Variants in CFAP20DC observed in about 807,000 individuals in gnomAD.
CFAP20DC encodes protein CFAP20DC.
Under a neutral mutation model 101.7 loss-of-function variants are expected in CFAP20DC, and 84 were observed. That is an observed-to-expected ratio of 0.83 (90% confidence interval 0.69 to 0.99). CFAP20DC has a LOEUF of 0.99. Ranked by LOEUF, CFAP20DC falls within the 50% of genes least tolerant of loss-of-function variation. CFAP20DC has a pLI of 0.00. For synonymous variants in CFAP20DC, 359 were observed against 351.2 expected, an observed-to-expected ratio of 1.02 and a Z score of -0.25; for missense variants, 1,007 against 970.3, an observed-to-expected ratio of 1.04 and a Z score of -0.50.
chr3:58,723,843 C>CT (rs1448731685), intron 3 of CFAP20DC, among the ~76,000 whole-genome samples: 1 of 152,150 alleles, frequency 6.6e-6, no homozygotes, highest in Non-Finnish European at 1.5e-5. Context: ...TTTAAGGTGA[C>CT]TGAGTGAGTG....
chr3:58,979,480 A>G (rs1157733595), intron 4 of CFAP20DC, among the ~76,000 whole-genome samples: 1 of 152,348 alleles, frequency 6.6e-6, no homozygotes, highest in East Asian at 1.9e-4. Context: ...TATTTATTCA[A>G]ATACTGAGGA....
Position 58,863,240 on chromosome 3 carries a change from C to G in CFAP20DC, c.1593+318G>C, listed in dbSNP as rs2079397600. 7.4e-7 allele frequency: 1 copy of G among 1,344,238 alleles called. No homozygotes were observed. The highest frequency in any genetic ancestry group is 9.5e-7 in the Non-Finnish European group (1 of 1,053,998). 83.3% of individuals were successfully genotyped at this position (1,344,238 alleles called of 1,614,324 possible). A position where few individuals can be genotyped will look rare whatever the true frequency, so the allele number is the denominator to read the frequency against. On this transcript the variant is annotated intron_variant, in intron 12 of 16. Coordinates refer to ENST00000482387, the MANE Select transcript of CFAP20DC (RefSeq NM_001394063.1). The surrounding 1 kb of genome is among the most constrained non-coding windows in gnomAD (Gnocchi z 5.9). The stretch of plus-strand genomic sequence containing the variant: ...AGAACAGTATATTCTCAGTGTTTTA[C>G]TGGTCTTGCTATCATAGCACTAAAC...
chr3:58,785,535 T>C (rs1181621448), intron 15 of CFAP20DC, among the ~76,000 whole-genome samples: 1 of 152,062 alleles, frequency 6.6e-6, no homozygotes. Context: ...AAAGATCATA[T>C]GTACTCCATA....
chr3:58,856,776 A>T (rs1385201418), intron 12 of CFAP20DC, among the ~76,000 whole-genome samples: 2 of 152,224 alleles, frequency 1.3e-5, no homozygotes, highest in Non-Finnish European at 2.9e-5. Context: ...CCTAGTTCTA[A>T]GATGGTATTG....
chr3:58,905,691 C>T (rs2083517515), intron 6 of CFAP20DC, among the ~76,000 whole-genome samples: 1 of 152,144 alleles, frequency 6.6e-6, no homozygotes. Context: ...GTACTGAGCT[C>T]AAGTAAGCAC....
intron 15 of CFAP20DC, among the ~76,000 whole-genome samples, chr3:58,785,926 C>G (rs773182428): frequency 8.5e-5 from 13 of 152,124 alleles, no homozygotes; most frequent in Non-Finnish European, 1.9e-4. Flanking sequence ...AAACCTCACT[C>G]CATTGGTTTC....
chr3:58,920,499 T>C (rs2085245482), intron 5 of CFAP20DC, among the ~76,000 whole-genome samples: 2 of 152,194 alleles, frequency 1.3e-5, no homozygotes, highest in Admixed American at 1.3e-4. Context: ...CTTTACCAAG[T>C]TCAAGAAGTT....
chr3:58,950,377 C>A (rs2089958931), intron 4 of CFAP20DC, among the ~76,000 whole-genome samples: 1 of 152,122 alleles, frequency 6.6e-6, no homozygotes, highest in Non-Finnish European at 1.5e-5. Flanking sequence ...ATCAAGCTAC[C>A]AATGACTTTC....
In CFAP20DC at chr3:58,964,471, C is replaced by T. The variant is rs1029258807; in HGVS notation, c.279-26709G>A. ...TTGTTGAATATGTATATTTGGTTAA[C>T]CTGGTCCACTTAAATTCCTATCTTA... On this transcript the variant is annotated intron_variant, in intron 4 of 16. Transcript: ENST00000482387. This position sits in a 1 kb window ranked among gnomAD's most constrained non-coding sequence, Gnocchi z 4.1. Among the ~76,000 whole-genome samples, 2 of 152,174 alleles carry T rather than the reference C, an allele frequency of 1.3e-5. No homozygotes were observed. Among genetic ancestry groups the T allele is most frequent in the African/African-American group, 4.8e-5 (2 of 41,448 alleles).
intron 6 of CFAP20DC, among the ~76,000 whole-genome samples, chr3:58,902,682 A>G (rs2083251059): frequency 6.6e-6 from 1 of 152,164 alleles, no homozygotes. Context: ...GGTATCCACA[A>G]GGGATTGGTT....
At chr3:58,734,388 A>G in intron 3 of CFAP20DC, 1 of 361,650 alleles carries the variant, frequency 2.8e-6, no homozygotes, top group Non-Finnish European at 5.5e-6. Context: ...GTTTATCACC[A>G]GAGTTCCAAA....
chr3:58,796,313 T>C (rs898878270), intron 15 of CFAP20DC, among the ~76,000 whole-genome samples: 12 of 152,110 alleles, frequency 7.9e-5, no homozygotes, highest in Admixed American at 2.0e-4. Flanking sequence ...CCCCTGGAGT[T>C]GTGCAAGGTG....
chr3:58,745,740 C>T (rs1160858088), intron 16 of CFAP20DC, among the ~76,000 whole-genome samples: 3 of 152,060 alleles, frequency 2.0e-5, no homozygotes, highest in Non-Finnish European at 2.9e-5. Context: ...GTACTGATGT[C>T]GCTTAAAGTG....
chr3:59,044,946 A>G (rs1445611095), intron 3 of CFAP20DC, among the ~76,000 whole-genome samples: 1 of 151,692 alleles, frequency 6.6e-6, no homozygotes, highest in African/African-American at 2.4e-5. Flanking sequence ...CTCATTTATA[A>G]GTACAAATAT....
In CFAP20DC at chr3:58,742,083, A is replaced by G. The variant is rs1346237251; in HGVS notation, c.*377T>C. Reference sequence around the variant, plus strand: ...GGTACCCAGGCATCTTTTAAGCAAAAATACATTTTCTGTACATCAAGCCAT... The same window carrying G: ...GGTACCCAGGCATCTTTTAAGCAAAGATACATTTTCTGTACATCAAGCCAT... On this transcript the variant is annotated 3_prime_UTR_variant, in exon 17 of 17. Coordinates refer to ENST00000482387, the MANE Select transcript of CFAP20DC (RefSeq NM_001394063.1). 3.3e-5 allele frequency: 32 copies of G among 969,608 alleles called. No individual in the cohort carries two copies. The highest frequency in any genetic ancestry group is 3.8e-5 in the Non-Finnish European group (31 of 815,112). 60.1% of individuals were successfully genotyped at this position (969,608 alleles called of 1,614,324 possible).
intron 14 of CFAP20DC, among the ~76,000 whole-genome samples, chr3:58,827,737 A>C (rs2076139468): frequency 6.6e-6 from 1 of 152,120 alleles, no homozygotes; most frequent in African/African-American, 2.4e-5. Flanking sequence ...TGCCACCCTG[A>C]GTTACAGTGA....
At chr3:58,900,674 A>C (rs150158104) in intron 6 of CFAP20DC, among the ~76,000 whole-genome samples, 1 of 152,336 alleles carries the variant, frequency 6.6e-6, no homozygotes, top group African/African-American at 2.4e-5. Flanking sequence ...TGGCACATGA[A>C]AGAGAAGGCT....
At position 58,874,051 on chromosome 3, in the gene CFAP20DC, A is replaced by C. The variant is rs904345011; in HGVS notation, c.716-3742T>G. On this transcript the variant is annotated intron_variant, in intron 7 of 16. Transcript: ENST00000482387. This position sits in a 1 kb window ranked among gnomAD's most constrained non-coding sequence, Gnocchi z 5.1. ...CAGACATCAGGTGACTCCTTAATTT[A>C]TATCTCTTAGCCTTGTCCTCTCTTC... Among the ~76,000 whole-genome samples, 1 of 152,234 alleles carries C rather than the reference A, an allele frequency of 6.6e-6. No individual in the cohort carries two copies. The highest frequency in any genetic ancestry group is 1.5e-5 in the Non-Finnish European group (1 of 68,040).
At chr3:58,959,753 T>A (rs1015830724) in intron 4 of CFAP20DC, among the ~76,000 whole-genome samples, 2 of 152,206 alleles carry the variant, frequency 1.3e-5, no homozygotes, top group Non-Finnish European at 1.5e-5. Flanking sequence ...GAATTCCATA[T>A]AAATTTTAGA....
Sources: gnomAD v4.1 joint callset for allele counts (sites outside exome capture counted in the v4.1 genomes callset) on GRCh38, gnomAD v4.1.1 for gene constraint, Gnocchi (gnomAD v3.1) non-coding constraint, MANE v1.5 for transcripts, NCBI Gene and HGNC (gene_info 2026-07-23, HGNC 2026-07-21) for gene names.